Variants in DLG2 observed in about 807,000 individuals in gnomAD.
DLG2 encodes disks large homolog 2.
DLG2 carries 45 observed loss-of-function variants against 132.5 expected under a neutral mutation model. The observed-to-expected ratio is 0.34, with a 90% CI of 0.27 to 0.44. DLG2 has a LOEUF of 0.44. Among genes scored for constraint, DLG2 ranks in the 20% least tolerant of loss-of-function variants. The pLI is 1.00. For missense variants in DLG2, 1,045 were observed against 1,196.9 expected, an observed-to-expected ratio of 0.87 and a Z score of 1.87; for synonymous variants, 424 against 419.6, an observed-to-expected ratio of 1.01 and a Z score of -0.13.
At chr11:85,051,207 T>C (rs1334578240) in intron 6 of DLG2, among the ~76,000 whole-genome samples, 2 of 152,182 alleles carry the variant, frequency 1.3e-5, no homozygotes, top group Non-Finnish European at 2.9e-5. Context: ...TGTATAATCA[T>C]CACATTCTTA....
At chr11:84,643,340 C>A (rs2099670474) in intron 6 of DLG2, among the ~76,000 whole-genome samples, 1 of 152,168 alleles carries the variant, frequency 6.6e-6, no homozygotes, top group Non-Finnish European at 1.5e-5. Context: ...TTTGTAACTT[C>A]TTTCCTTAGA....
intron 8 of DLG2, among the ~76,000 whole-genome samples, chr11:84,172,861 A>T (rs1033983730): frequency 2.8e-4 from 42 of 152,022 alleles, no homozygotes; most frequent in East Asian, 1.7e-3. Flanking sequence ...CTTTTTTTTT[A>T]AAAAATTATC....
intron 6 of DLG2, among the ~76,000 whole-genome samples, chr11:84,825,895 G>C (rs1817177838): frequency 1.3e-5 from 2 of 151,688 alleles, no homozygotes; most frequent in Middle Eastern, 6.8e-3. Flanking sequence ...TCTCATACAG[G>C]ATCTAATCCA....
Position 84,223,273 on chromosome 11 carries a change from G to T in DLG2, c.573+27965C>A, listed in dbSNP as rs908243860. 2.6e-5 allele frequency among the ~76,000 whole-genome samples: 4 copies of T among 152,100 alleles called. No individual in the cohort carries two copies. The South Asian group carries it at 8.3e-4, about 32-fold the overall frequency. ...GTAGCATCATGGAATCGAGTAAAAT[G>T]CTTTTGCCCTTGATAAGACATTGAT... On this transcript the variant is annotated intron_variant, in intron 8 of 27. Transcript: ENST00000376104.
rs2089526050 is a variant in DLG2, at chr11:83,459,764, A to G, written c.*54T>C. On this transcript the variant is annotated 3_prime_UTR_variant, in exon 28 of 28. Coordinates refer to ENST00000376104, the MANE Select transcript of DLG2 (RefSeq NM_001142699.3). ...AAAGCCTCCAAGTAGTATGTTATAT[A>G]TATTTTGTTCTTCTAAATGCTCTTC... 1.1e-6 allele frequency: 1 copy of G among 937,294 alleles called. No individual in the cohort carries two copies. The highest frequency in any genetic ancestry group is 2.4e-5 in the East Asian group (1 of 41,798). 58.1% of individuals were successfully genotyped at this position (937,294 alleles called of 1,614,324 possible). A position where few individuals can be genotyped will look rare whatever the true frequency, so the allele number is the denominator to read the frequency against.
At chr11:85,478,212 G>A (rs1371899359) in intron 3 of DLG2, among the ~76,000 whole-genome samples, 4 of 151,958 alleles carry the variant, frequency 2.6e-5, no homozygotes, top group Non-Finnish European at 5.9e-5. Context: ...TGTAGAGAGA[G>A]GGTCTCACTA....
chr11:85,058,198 A>C (rs2018094616), intron 6 of DLG2, among the ~76,000 whole-genome samples: 1 of 151,548 alleles, frequency 6.6e-6, no homozygotes, highest in African/African-American at 2.4e-5. Flanking sequence ...GAATTTAGCA[A>C]GTTGTCTACA....
intron 22 of DLG2, among the ~76,000 whole-genome samples, chr11:83,477,438 G>A (rs1472996766): frequency 6.6e-6 from 1 of 152,060 alleles, no homozygotes; most frequent in Non-Finnish European, 1.5e-5. Context: ...TGCTTGAGAT[G>A]ATGCAGCAAA....
intron 7 of DLG2, among the ~76,000 whole-genome samples, chr11:84,527,507 A>C (rs2099324990): frequency 1.3e-5 from 2 of 152,264 alleles, no homozygotes; most frequent in Admixed American, 1.3e-4. Context: ...AGGGTATTGA[A>C]GTTTACCCAA....
chr11:83,511,087 G>GACACACAGAC (rs1555134673), intron 21 of DLG2, among the ~76,000 whole-genome samples: 3 of 138,552 alleles, frequency 2.2e-5, no homozygotes, highest in Non-Finnish European at 3.1e-5. Flanking sequence ...CACACACACA[G>GACACACAGAC]ACACACACAC....
chr11:84,096,969 C>A (rs2097173607), intron 10 of DLG2, among the ~76,000 whole-genome samples: 1 of 151,298 alleles, frequency 6.6e-6, no homozygotes, highest in Non-Finnish European at 1.5e-5. Context: ...ATCACTACAT[C>A]AGAAAAACTG....
At chr11:85,495,181 T>C (rs1258309987) in intron 3 of DLG2, among the ~76,000 whole-genome samples, 1 of 152,118 alleles carries the variant, frequency 6.6e-6, no homozygotes. Context: ...GTACTGACAA[T>C]AAACGTTTTG....
intron 18 of DLG2, among the ~76,000 whole-genome samples, chr11:83,721,674 A>G (rs2088599480): frequency 6.6e-6 from 1 of 152,256 alleles, no homozygotes; most frequent in Non-Finnish European, 1.5e-5. Flanking sequence ...ACAAAAAGTT[A>G]TAATGCTGTA....
chr11:84,660,584 A>G (rs995345911), intron 6 of DLG2, among the ~76,000 whole-genome samples: 1 of 152,114 alleles, frequency 6.6e-6, no homozygotes, highest in African/African-American at 2.4e-5. Flanking sequence ...CAGTAGAGAG[A>G]TGCTTTTGTC....
intron 6 of DLG2, among the ~76,000 whole-genome samples, chr11:84,969,676 TAGTTAA>T (rs1566538175): frequency 1.3e-5 from 2 of 152,204 alleles, no homozygotes; most frequent in African/African-American, 4.8e-5. Context: ...CTGAAATCTA[TAGTTAA>T]TCAGATTCAG....
At chr11:84,544,563 G>A (rs1009646543) in intron 6 of DLG2, among the ~76,000 whole-genome samples, 3 of 152,168 alleles carry the variant, frequency 2.0e-5, no homozygotes, top group African/African-American at 7.2e-5. Context: ...CTCACATAGT[G>A]GAAAGTGCAT....
chr11:84,993,931 T>C (rs574991653), intron 6 of DLG2, among the ~76,000 whole-genome samples: 1 of 152,018 alleles, frequency 6.6e-6, no homozygotes, highest in East Asian at 1.9e-4. Context: ...AGTGCCCCCA[T>C]GAAAGGAGCG....
chr11:83,910,405 A>T (rs2075832884), intron 15 of DLG2, among the ~76,000 whole-genome samples: 1 of 152,144 alleles, frequency 6.6e-6, no homozygotes, highest in Admixed American at 6.6e-5. Context: ...TCTACTAAAG[A>T]AGTCAAGGTC....
Position 83,539,045 on chromosome 11 carries a change from A to G in DLG2, c.2117+2637T>C, listed in dbSNP as rs572848331. Among the ~76,000 whole-genome samples the G allele has an allele frequency of 1.8e-4, 27 of 152,306 alleles. No individual in the cohort carries two copies. The South Asian group carries it at 4.6e-3, about 26-fold the overall frequency. On this transcript the variant is annotated intron_variant, in intron 20 of 27. Transcript: ENST00000376104. ...CATTAATGAACCTCTCTGTGCCTCA[A>G]TCTCCTCATTTGTAAAATAAGGATA...
Sources: allele counts gnomAD v4.1 joint callset (sites outside exome capture counted in the v4.1 genomes callset), GRCh38; gene constraint gnomAD v4.1.1; transcripts MANE v1.5; gene names NCBI Gene and HGNC (gene_info 2026-07-23, HGNC 2026-07-21).